The following PARD3 variants were observed in gnomAD, a reference collection of about 807,000 sequenced individuals.
PARD3 encodes the protein par-3 family cell polarity regulator, also known as partitioning defective 3 homolog.
Under a neutral mutation model 155.4 loss-of-function variants are expected in PARD3, and 75 were observed. The observed-to-expected ratio is 0.48, with a 90% CI of 0.40 to 0.58. The LOEUF is 0.58. PARD3 is among the 20% of genes least tolerant of loss of function. The pLI is 0.00. For synonymous variants in PARD3, 576 were observed against 610.5 expected, an observed-to-expected ratio of 0.94 and a Z score of 0.83; for missense variants, 1,642 against 1,721.7, an observed-to-expected ratio of 0.95 and a Z score of 0.82.
intron 20 of PARD3, among the ~76,000 whole-genome samples, chr10:34,289,335 G>A (rs1438744713): frequency 5.3e-5 from 8 of 152,104 alleles, no homozygotes; most frequent in East Asian, 1.9e-4. Flanking sequence ...GACTACAGTC[G>A]TGCGCCACCA....
At chr10:34,449,819 T>C (rs188080904) in intron 5 of PARD3, among the ~76,000 whole-genome samples, 136 of 152,276 alleles carry the variant, frequency 8.9e-4, no homozygotes, top group African/African-American at 1.9e-3. Context: ...AAACCTAAAA[T>C]AGGTCCTTGA....
chr10:34,580,195 G>A (rs866608195), intron 2 of PARD3, among the ~76,000 whole-genome samples: 2 of 152,036 alleles, frequency 1.3e-5, no homozygotes, highest in Non-Finnish European at 2.9e-5. Context: ...GATTATAAAC[G>A]TGAGCCACTG....
At chr10:34,258,289 G>A (rs1239073691) in intron 22 of PARD3, among the ~76,000 whole-genome samples, 1 of 152,132 alleles carries the variant, frequency 6.6e-6, no homozygotes, top group Non-Finnish European at 1.5e-5. Flanking sequence ...ATGGGAGAGG[G>A]GTCAGGAGAC....
intron 1 of PARD3, among the ~76,000 whole-genome samples, chr10:34,736,345 T>TTTTTTTGG: frequency 6.7e-6 from 1 of 150,028 alleles, no homozygotes; most frequent in Non-Finnish European, 1.5e-5. Context: ...TTTTTTTTTT[T>TTTTTTTGG]GGTGATAGGG....
intron 2 of PARD3, among the ~76,000 whole-genome samples, chr10:34,542,234 T>TGCACGTGTGTGCAC (rs1554889664): frequency 6.8e-6 from 1 of 146,198 alleles, no homozygotes; most frequent in African/African-American, 2.5e-5. Flanking sequence ...TGTGTGTGTG[T>TGCACGTGTGTGCAC]GTGTGCACAC....
chr10:34,776,464 A>G (rs923284573), intron 1 of PARD3, among the ~76,000 whole-genome samples: 9 of 152,230 alleles, frequency 5.9e-5, no homozygotes, highest in African/African-American at 2.2e-4. Flanking sequence ...GGGCCAGCAC[A>G]TGGCCAGGGA....
intron 21 of PARD3, among the ~76,000 whole-genome samples, chr10:34,277,488 TG>T (rs1191092104): frequency 6.6e-6 from 1 of 152,138 alleles, no homozygotes; most frequent in African/African-American, 2.4e-5. Flanking sequence ...CAATTTTAAG[TG>T]GGATTTTAAT....
chr10:34,143,956 C>CT (rs68109040), intron 22 of PARD3, among the ~76,000 whole-genome samples: 7 of 151,674 alleles, frequency 4.6e-5, no homozygotes, highest in African/African-American at 7.3e-5. Flanking sequence ...ATTTTCTGAG[C>CT]TTTTTTTTCT....
intron 1 of PARD3, among the ~76,000 whole-genome samples, chr10:34,748,512 C>G (rs1017047060): frequency 6.6e-6 from 1 of 151,964 alleles, no homozygotes; most frequent in Admixed American, 6.6e-5. Flanking sequence ...AAAGGAAGCT[C>G]TGTTCTCAGT....
At chr10:34,180,764 A>G (rs1950232951) in intron 22 of PARD3, among the ~76,000 whole-genome samples, 1 of 152,136 alleles carries the variant, frequency 6.6e-6, no homozygotes, top group Non-Finnish European at 1.5e-5. Flanking sequence ...TAAGGAAACA[A>G]CTGCCCTCGT....
At chr10:34,638,652 C>T (rs1333525608) in intron 2 of PARD3, among the ~76,000 whole-genome samples, 2 of 152,208 alleles carry the variant, frequency 1.3e-5, no homozygotes, top group Non-Finnish European at 2.9e-5. Context: ...GCTGGACAGT[C>T]CATGAATCAC....
chr10:34,627,361 C>G (rs1214344557), intron 2 of PARD3, among the ~76,000 whole-genome samples: 1 of 152,106 alleles, frequency 6.6e-6, no homozygotes, highest in Non-Finnish European at 1.5e-5. Flanking sequence ...GTGTTCCCCT[C>G]TCCCGACAAA....
intron 2 of PARD3, among the ~76,000 whole-genome samples, chr10:34,660,204 C>A (rs939018430): frequency 6.6e-6 from 1 of 152,140 alleles, no homozygotes; most frequent in Non-Finnish European, 1.5e-5. Flanking sequence ...CCCTGCCTCT[C>A]CCTCCATTGT....
intron 2 of PARD3, among the ~76,000 whole-genome samples, chr10:34,685,035 T>C (rs1315438325): frequency 6.6e-6 from 1 of 152,186 alleles, no homozygotes. Context: ...TTTTAAATTA[T>C]TCACGCACTC....
intron 2 of PARD3, among the ~76,000 whole-genome samples, chr10:34,665,911 G>GAACAGAACA (rs1428988831): frequency 1.1e-5 from 1 of 89,810 alleles, no homozygotes; most frequent in Non-Finnish European, 2.6e-5. Context: ...AGAACAAAAA[G>GAACAGAACA]AAAAGAAAAG....
intron 22 of PARD3, among the ~76,000 whole-genome samples, chr10:34,216,138 G>A (rs868809812): frequency 2.2e-4 from 33 of 152,174 alleles, no homozygotes; most frequent in African/African-American, 7.2e-4. Flanking sequence ...GGGCACAGCT[G>A]ATGGTCTAAG....
chr10:34,594,215 C>CCTAA (rs756423512), intron 2 of PARD3, among the ~76,000 whole-genome samples: 54 of 152,200 alleles, frequency 3.5e-4, no homozygotes, highest in Non-Finnish European at 7.4e-4. Flanking sequence ...TTCTGTTCAA[C>CCTAA]CTAAGCATGC....
intron 5 of PARD3, among the ~76,000 whole-genome samples, chr10:34,403,730 A>C (rs997191615): frequency 1.3e-5 from 2 of 152,180 alleles, no homozygotes; most frequent in African/African-American, 4.8e-5. Context: ...CACATAATAC[A>C]TTTCAAAGGT....
At chr10:34,272,691 A>G (rs1403417929) in intron 21 of PARD3, among the ~76,000 whole-genome samples, 1 of 152,170 alleles carries the variant, frequency 6.6e-6, no homozygotes, top group Non-Finnish European at 1.5e-5. Flanking sequence ...GTGCCACTGC[A>G]CTCCAGCCTA....
Sources: allele counts gnomAD v4.1 joint callset (sites outside exome capture counted in the v4.1 genomes callset), GRCh38; gene constraint gnomAD v4.1.1; transcripts MANE v1.5; gene names NCBI Gene and HGNC (gene_info 2026-07-23, HGNC 2026-07-21).